The following CENPP variants were observed in gnomAD, a reference collection of about 807,000 sequenced individuals.
The protein encoded by CENPP is centromere protein P.
In CENPP, 24 loss-of-function variants were observed where a neutral mutation model predicts 35.6. The observed-to-expected ratio is 0.67, with a 90% CI of 0.49 to 0.95. CENPP has a LOEUF of 0.95. Among genes scored for constraint, CENPP ranks in the 40% least tolerant of loss-of-function variants. CENPP has a pLI of 0.00. For synonymous variants in CENPP, 120 were observed against 125.5 expected (o/e 0.96, Z 0.29); for missense variants, 332 against 345.3 (o/e 0.96, Z 0.31).
In CENPP at chr9:92,506,553, C is replaced by T. The variant is rs567219944; in HGVS notation, c.565-104761C>T. On this transcript the variant is annotated intron_variant, in intron 5 of 7. Transcript: ENST00000375587. ...AGATTAGGGGATGTTTTCTATTCAA[C>T]CCCCTTCATGGGCATTGCACCGAAT... Among the ~76,000 whole-genome samples, 28 of 152,312 alleles carry T rather than the reference C, an allele frequency of 1.8e-4. No homozygotes were observed. The East Asian group carries it at 5.4e-3, about 29-fold the overall frequency.
chr9:92,533,065 A>G (rs1201913923), intron 5 of CENPP, among the ~76,000 whole-genome samples: 3 of 151,776 alleles, frequency 2.0e-5, no homozygotes, highest in Admixed American at 6.6e-5. Flanking sequence ...TTGGGAGGCC[A>G]AGGCTAGCGG....
Position 92,390,938 on chromosome 9 carries a change from G to A in CENPP, c.564+11079G>A, listed in dbSNP as rs757543980. On this transcript the variant is annotated intron_variant, in intron 5 of 7. Transcript: ENST00000375587. ...CTTTTTGTGCTTGGGGATGTTAGAC[G>A]TCACTTCAGCACCATGTGTTGGGTC... 5.3e-5 allele frequency among the ~76,000 whole-genome samples: 8 copies of A among 152,178 alleles called. No homozygotes were observed. The East Asian group carries it at 5.8e-4, about 11-fold the overall frequency.
In CENPP at chr9:92,345,300, C is replaced by T. The variant is rs142073279; in HGVS notation, c.379-399C>T. 2.2e-3 allele frequency among the ~76,000 whole-genome samples: 327 copies of T among 151,756 alleles called. 2 individuals carry two copies. The highest frequency in any genetic ancestry group is 7.3e-3 in the African/African-American group (303 of 41,360). Reference sequence around the variant, plus strand: ...ACGAGATTGAGACCATCCTGGCCGACATGGTGAAACCCCATCTCTACTAAA... The same window carrying T: ...ACGAGATTGAGACCATCCTGGCCGATATGGTGAAACCCCATCTCTACTAAA... On this transcript the variant is annotated intron_variant, in intron 3 of 7. Coordinates refer to ENST00000375587, the MANE Select transcript of CENPP (RefSeq NM_001012267.3).
intron 4 of CENPP, among the ~76,000 whole-genome samples, chr9:92,352,530 T>C (rs1841490225): frequency 1.7e-5 from 2 of 120,044 alleles, no homozygotes; most frequent in Middle Eastern, 7.8e-3. Flanking sequence ...TATATATATA[T>C]ATATATATAA....
chr9:92,548,037 A>C (rs771147125), intron 5 of CENPP, among the ~76,000 whole-genome samples: 28 of 152,208 alleles, frequency 1.8e-4, no homozygotes, highest in Non-Finnish European at 3.8e-4. Flanking sequence ...AATCCAAAAG[A>C]ATTTTCAGAT....
At chr9:92,524,588 A>G (rs910435969) in intron 5 of CENPP, among the ~76,000 whole-genome samples, 1 of 152,036 alleles carries the variant, frequency 6.6e-6, no homozygotes, top group Non-Finnish European at 1.5e-5. Flanking sequence ...TCACATACAC[A>G]CACCTATACC....
intron 5 of CENPP, among the ~76,000 whole-genome samples, chr9:92,545,416 C>T (rs897564931): frequency 2.0e-5 from 3 of 152,164 alleles, no homozygotes; most frequent in Non-Finnish European, 4.4e-5. Context: ...GAGGGTGCGT[C>T]GGGTACCCCA....
intron 5 of CENPP, among the ~76,000 whole-genome samples, chr9:92,462,243 G>A (rs1162147452): frequency 6.6e-6 from 1 of 152,224 alleles, no homozygotes; most frequent in Non-Finnish European, 1.5e-5. Flanking sequence ...CTCCCAAAAT[G>A]CTGGGATTAC....
At chr9:92,353,448 C>G (rs1233950393) in intron 4 of CENPP, among the ~76,000 whole-genome samples, 1 of 152,212 alleles carries the variant, frequency 6.6e-6, no homozygotes, top group East Asian at 1.9e-4. Flanking sequence ...TCCCATTAAC[C>G]TTACTTACAG....
At chr9:92,359,236 A>C (rs1434940056) in intron 4 of CENPP, among the ~76,000 whole-genome samples, 1 of 152,018 alleles carries the variant, frequency 6.6e-6, no homozygotes, top group Non-Finnish European at 1.5e-5. Context: ...GGCATGAGCC[A>C]CCGTGCCCAG....
Position 92,460,689 on chromosome 9 carries a change from T to A in CENPP, c.564+80830T>A, listed in dbSNP as rs1212832109. On this transcript the variant is annotated intron_variant, in intron 5 of 7. Coordinates refer to ENST00000375587, the MANE Select transcript of CENPP (RefSeq NM_001012267.3). The stretch of plus-strand genomic sequence containing the variant: ...CTTTTTAGGCACTAACTCTTTTTTT[T>A]CTTTGAGACAGAGTTTCACTCTTGT... The A allele has an allele frequency of 9.9e-6, 6 of 607,084 alleles. No individual in the cohort carries two copies. The South Asian group carries it at 1.2e-4, about 13-fold the overall frequency. 37.6% of individuals were successfully genotyped at this position (607,084 alleles called of 1,614,324 possible). A position where few individuals can be genotyped will look rare whatever the true frequency, so the allele number is the denominator to read the frequency against.
chr9:92,390,163 G>A, intron 5 of CENPP: 1 of 662,496 alleles, frequency 1.5e-6, no homozygotes, highest in Non-Finnish European at 2.5e-6. Context: ...TTCATTTTTA[G>A]TGCCTGGTAG....
intron 5 of CENPP, among the ~76,000 whole-genome samples, chr9:92,545,577 C>T (rs1238856642): frequency 6.6e-6 from 1 of 152,202 alleles, no homozygotes; most frequent in Non-Finnish European, 1.5e-5. Context: ...ACGAGCTCTG[C>T]CCCCTGCTCC....
rs1051924373 is a variant in CENPP at position 92,456,871 on chromosome 9, C to T, written c.564+77012C>T. 4 of 834,192 alleles carry T rather than the reference C, an allele frequency of 4.8e-6. No individual in the cohort carries two copies. The African/African-American group carries it at 5.6e-5, about 12-fold the overall frequency. 51.7% of individuals were successfully genotyped at this position (834,192 alleles called of 1,614,324 possible). A position where few individuals can be genotyped will look rare whatever the true frequency, so the allele number is the denominator to read the frequency against. On this transcript the variant is annotated intron_variant, in intron 5 of 7. Coordinates refer to ENST00000375587, the MANE Select transcript of CENPP (RefSeq NM_001012267.3). Reference sequence around the variant, plus strand: ...ATAGTGTAATGCACTCTTCACATTACTGTCTTTGTTAATTCTGTTTTTCTA... The same window carrying T: ...ATAGTGTAATGCACTCTTCACATTATTGTCTTTGTTAATTCTGTTTTTCTA...
At chr9:92,352,023 C>CTT (rs113545279) in intron 4 of CENPP, among the ~76,000 whole-genome samples, 19 of 132,452 alleles carry the variant, frequency 1.4e-4, no homozygotes, top group Non-Finnish European at 1.6e-4. Context: ...TTTTCTTTTC[C>CTT]TTTTTTTTTT....
intron 5 of CENPP, among the ~76,000 whole-genome samples, chr9:92,455,149 C>G (rs927077853): frequency 6.6e-6 from 1 of 152,156 alleles, no homozygotes; most frequent in African/African-American, 2.4e-5. Context: ...GTAATCCTAA[C>G]ACTTTAGGAG....
chr9:92,459,201 T>C (rs925008904), intron 5 of CENPP, among the ~76,000 whole-genome samples: 1 of 152,230 alleles, frequency 6.6e-6, no homozygotes, highest in Non-Finnish European at 1.5e-5. Context: ...TATACATGTC[T>C]ATCCTAGCAC....
chr9:92,547,109 G>C (rs956061206), intron 5 of CENPP, among the ~76,000 whole-genome samples: 1 of 152,142 alleles, frequency 6.6e-6, no homozygotes, highest in Non-Finnish European at 1.5e-5. Flanking sequence ...AGAACTAGCG[G>C]CGTAAGTGTA....
chr9:92,357,491 TATTATTATTATTATTA>T (rs1841622704), intron 4 of CENPP, among the ~76,000 whole-genome samples: 1 of 146,676 alleles, frequency 6.8e-6, no homozygotes, highest in Non-Finnish European at 1.5e-5. Flanking sequence ...TTATTATTAT[TATTATTATTATTATTA>T]TTTTGAGATG....
Sources: allele counts gnomAD v4.1 joint callset (sites outside exome capture counted in the v4.1 genomes callset), GRCh38; gene constraint gnomAD v4.1.1; transcripts MANE v1.5; gene names NCBI Gene and HGNC (gene_info 2026-07-23, HGNC 2026-07-21).